The following WDCP variants were observed in gnomAD, a reference collection of about 807,000 sequenced individuals.
The protein encoded by WDCP is WD repeat and coiled coil containing, also known as WD repeat and coiled-coil-containing protein.
A neutral mutation model predicts 41.6 loss-of-function variants in WDCP; 19 were observed. The ratio of observed to expected loss-of-function variants is 0.46; its 90% CI spans 0.32 to 0.67. WDCP has a LOEUF of 0.67. Among genes scored for constraint, WDCP ranks in the 30% least tolerant of loss-of-function variants. WDCP has a pLI of 0.04. For synonymous variants in WDCP, 302 were observed against 320.8 expected (o/e 0.94, Z 0.63); for missense variants, 802 against 850.7 (o/e 0.94, Z 0.71).
chr2:24,046,871 T>C (rs1427566734), intron 1 of WDCP, among the ~76,000 whole-genome samples: 1 of 152,192 alleles, frequency 6.6e-6, no homozygotes, highest in African/African-American at 2.4e-5. Context: ...TCATCTAACA[T>C]TATATATTAG....
rs748159659 is a variant in WDCP at position 24,038,269 on chromosome 2, G to A, written c.1226C>T (p.Thr409Ile). Residue 409 changes from threonine (T) to isoleucine (I), a missense_variant, in exon 2 of 4, where the codon ACT (threonine) becomes ATT (isoleucine). Thr to Ile is a moderately conservative substitution (Grantham distance 89, BLOSUM62 -1). This residue lies in a region of WDCP where 247 missense variants were observed against 240.5 expected (regional missense o/e 1.03). Transcript: ENST00000295148. ...TGAAGAAGGAAGAAATGTTGTATCA[G>A]TGAGTTTTTGTTTTCCTACCAAAAT... The part of the protein sequence containing the change: ...LLILVGKQKL[T>I]DTTFLPSSKS... 1 of 1,614,142 alleles carries A rather than the reference G, an allele frequency of 6.2e-7. No individual in the cohort carries two copies. The highest frequency in any genetic ancestry group is 8.5e-7 in the Non-Finnish European group (1 of 1,180,010).
intron 1 of WDCP, among the ~76,000 whole-genome samples, chr2:24,042,535 C>CAAA (rs35044474): frequency 3.4e-4 from 21 of 61,512 alleles, no homozygotes; most frequent in East Asian, 5.5e-4. Flanking sequence ...TACTCCGTCT[C>CAAA]AAAAAAAAAA....
intron 1 of WDCP, among the ~76,000 whole-genome samples, chr2:24,042,074 G>A (rs1015338422): frequency 6.6e-6 from 1 of 152,014 alleles, no homozygotes; most frequent in Admixed American, 6.6e-5. Context: ...AGAATAAAAT[G>A]TTGCAATAAT....
Position 24,038,909 on chromosome 2 carries a change from A to G in WDCP, c.586T>C (p.Ser196Pro). ...CTGTCCACATCAAACACCAGGCAGG[A>G]GGAGCACCTGTGAAGAGTCTTCTGA... ...SAQKTLHRCS[S>P]CLVFDVDSHV... The change falls in exon 2 of 4, where the codon TCC becomes CCC. Residue 196 changes from serine (S) to proline (P), a missense_variant. Transcript: ENST00000295148. The G allele has an allele frequency of 6.2e-7, 1 of 1,614,212 alleles. No individual in the cohort carries two copies.
In WDCP at chr2:24,029,778, A is replaced by G. The variant is rs984142758; in HGVS notation, c.*1155T>C. On this transcript the variant is annotated 3_prime_UTR_variant, in exon 4 of 4. Transcript: ENST00000295148. ...TGCTAATGGAGCTTCTATGGCTGAAACAATTTATCTGCAGATGCCTAGCCA... is the reference window on the plus strand; with the variant it reads ...TGCTAATGGAGCTTCTATGGCTGAAGCAATTTATCTGCAGATGCCTAGCCA... 2 of 152,254 alleles carry G rather than the reference A, an allele frequency of 1.3e-5. No homozygotes were observed. The highest frequency in any genetic ancestry group is 4.8e-5 in the African/African-American group (2 of 41,474). 9.4% of individuals were successfully genotyped at this position (152,254 alleles called of 1,614,324 possible).
At chr2:24,043,274 T>TA in intron 1 of WDCP, among the ~76,000 whole-genome samples, 1 of 152,286 alleles carries the variant, frequency 6.6e-6, no homozygotes, top group South Asian at 2.1e-4. Flanking sequence ...AGGCAGATGT[T>TA]ACGGTAAGCC....
At chr2:24,033,007 TAAGAA>T in intron 2 of WDCP, 61 bp from the exon 3 acceptor site, 1 of 1,060,918 alleles carries the variant, frequency 9.4e-7, no homozygotes. Flanking sequence ...TAACATTTCT[TAAGAA>T]AGGAATGTGT....
chr2:24,042,643 A>G (rs1363313516), intron 1 of WDCP, among the ~76,000 whole-genome samples: 11 of 148,680 alleles, frequency 7.4e-5, no homozygotes, highest in Non-Finnish European at 1.5e-4. Context: ...CGGGAGGTGG[A>G]GGTTGCAGTG....
intron 2 of WDCP, among the ~76,000 whole-genome samples, chr2:24,035,045 GA>G (rs979800485): frequency 2.0e-5 from 3 of 151,072 alleles, no homozygotes. Context: ...TAAATGTACA[GA>G]AAAAATATGG....
chr2:24,039,356 T>C lies in WDCP; in HGVS notation c.139A>G (p.Lys47Glu), dbSNP rs1418807780. ...TDLRLHSGEV[K>E]FGDSKVIGQF... Reference sequence around the variant, plus strand: ...CCAATGACTTTGGAGTCCCCAAACTTGACCTCTCCACTGTGAAGCCGCAAA... The same window carrying C: ...CCAATGACTTTGGAGTCCCCAAACTCGACCTCTCCACTGTGAAGCCGCAAA... The change falls in exon 2 of 4, where the codon AAG becomes GAG. Residue 47 changes from lysine to glutamate, a missense_variant. Physicochemically the swap from Lys to Glu is moderately conservative, Grantham distance 56 (BLOSUM62 1). Transcript: ENST00000295148. The C allele has an allele frequency of 1.9e-6, 3 of 1,614,104 alleles. No individual in the cohort carries two copies. The highest frequency in any genetic ancestry group is 2.5e-6 in the Non-Finnish European group (3 of 1,180,044).
intron 1 of WDCP, among the ~76,000 whole-genome samples, chr2:24,041,650 C>T (rs1295364057): frequency 1.3e-5 from 2 of 151,240 alleles, no homozygotes; most frequent in African/African-American, 2.4e-5. Context: ...GTCAGGAGTT[C>T]GAGACCAGCC....
intron 1 of WDCP, among the ~76,000 whole-genome samples, chr2:24,040,028 T>G (rs1396744644): frequency 1.3e-5 from 2 of 152,110 alleles, no homozygotes; most frequent in African/African-American, 2.4e-5. Flanking sequence ...CTCAAACTCC[T>G]GACCTCAGGC....
intron 1 of WDCP, among the ~76,000 whole-genome samples, chr2:24,043,323 G>A (rs1299686786): frequency 3.3e-5 from 5 of 152,054 alleles, no homozygotes; most frequent in Admixed American, 6.6e-5. Flanking sequence ...ACAACAGAGT[G>A]AGACTCGGTC....
At position 24,030,405 on chromosome 2, in the gene WDCP, T is replaced by C. The variant is rs1663069465; in HGVS notation, c.*528A>G. The C allele has an allele frequency of 1.3e-5, 2 of 152,316 alleles. No homozygotes were observed. The highest frequency in any genetic ancestry group is 2.9e-5 in the Non-Finnish European group (2 of 68,122). The allele number at this position is 152,316 out of a possible 1,614,324, so 9.4% of individuals were successfully genotyped here. A position where few individuals can be genotyped will look rare whatever the true frequency, so the allele number is the denominator to read the frequency against. On this transcript the variant is annotated 3_prime_UTR_variant, in exon 4 of 4. Coordinates refer to ENST00000295148, the MANE Select transcript of WDCP (RefSeq NM_025203.3). Reference sequence around the variant, plus strand: ...GAGGTCCAGGCAACATCAGAGCCACTTCCTGTTCCTGAGAGCAGAAGCCAG... The same window carrying C: ...GAGGTCCAGGCAACATCAGAGCCACCTCCTGTTCCTGAGAGCAGAAGCCAG...
In WDCP at chr2:24,031,036, GAA is replaced by G. The variant is rs755458330; in HGVS notation, c.2061_2062del (p.His689GlnfsTer9). 2 of 1,614,206 alleles carry G rather than the reference GAA, an allele frequency of 1.2e-6. No homozygotes were observed. Among genetic ancestry groups the G allele is most frequent in the South Asian group, 2.2e-5 (2 of 91,084 alleles). On this transcript the variant is annotated frameshift_variant, in exon 4 of 4. Coordinates refer to ENST00000295148, the MANE Select transcript of WDCP (RefSeq NM_025203.3). LOFTEE classifies it low-confidence loss of function (END_TRUNC). ...AGAAGAAACAGCACCTGGACTGTGA[GAA>G]AAAGAGTCTCTGAAGACATCTGACC...
In WDCP at chr2:24,039,176, C is replaced by T; in HGVS notation, c.319G>A (p.Glu107Lys). The change falls in exon 2 of 4, where the codon GAG (glutamate) becomes AAG (lysine). Residue 107 changes from glutamate (E) to lysine (K), a missense_variant. Physicochemically the swap from Glu to Lys is moderately conservative, Grantham distance 56. This residue lies in a region of WDCP where 214 missense variants were observed against 252.9 expected (regional missense o/e 0.85). Transcript: ENST00000295148. ...AGGATAGGTAGTGATCCTCTAATCT[C>T]ACAAGTCTGAGACGTCAGCCATTTG... ...SSKWLTSQTCEIRGSLPILPQ... is the reference protein window; with the variant it reads ...SSKWLTSQTCKIRGSLPILPQ... 1 of 1,614,242 alleles carries T rather than the reference C, an allele frequency of 6.2e-7. No individual in the cohort carries two copies. The highest frequency in any genetic ancestry group is 8.5e-7 in the Non-Finnish European group (1 of 1,180,048).
At chr2:24,044,109 T>A (rs1663537876) in intron 1 of WDCP, among the ~76,000 whole-genome samples, 1 of 152,218 alleles carries the variant, frequency 6.6e-6, no homozygotes, top group African/African-American at 2.4e-5. Context: ...TACACTTTCA[T>A]GGGCAGAGAA....
chr2:24,044,018 C>T (rs967278278), intron 1 of WDCP, among the ~76,000 whole-genome samples: 2 of 152,094 alleles, frequency 1.3e-5, no homozygotes, highest in Admixed American at 6.6e-5. Context: ...TCCCACTGGT[C>T]TTATGAAAGA....
rs1167349703 is a variant in WDCP, at chr2:24,030,890, A to G, written c.*43T>C. On this transcript the variant is annotated 3_prime_UTR_variant, in exon 4 of 4. Coordinates refer to ENST00000295148, the MANE Select transcript of WDCP (RefSeq NM_025203.3). ...CAGTGTCAAGCAGGCCTTGTTTGTA[A>G]TGGTCTCATCTGAAGAGCTACACAG... The G allele has an allele frequency of 1.4e-6, 2 of 1,466,296 alleles. No individual in the cohort carries two copies. The highest frequency in any genetic ancestry group is 1.9e-6 in the Non-Finnish European group (2 of 1,052,442). 90.8% of individuals were successfully genotyped at this position (1,466,296 alleles called of 1,614,324 possible). A position where few individuals can be genotyped will look rare whatever the true frequency, so the allele number is the denominator to read the frequency against.
Sources: allele counts gnomAD v4.1 joint callset (sites outside exome capture counted in the v4.1 genomes callset), GRCh38; gene constraint gnomAD v4.1.1; regional missense constraint gnomAD v4.1.1; transcripts MANE v1.5; gene names NCBI Gene and HGNC (gene_info 2026-07-23, HGNC 2026-07-21).